Variants in GRIA3 observed in about 807,000 individuals in gnomAD.
GRIA3 encodes glutamate receptor 3.
A neutral mutation model predicts 63.0 loss-of-function variants in GRIA3; 3 were observed. That is an observed-to-expected ratio of 0.05 (90% CI 0.02 to 0.12). The LOEUF (loss-of-function observed/expected upper bound fraction) is 0.12. Among genes scored for constraint, GRIA3 ranks in the 10% least tolerant of loss-of-function variants. The probability of loss-of-function intolerance (pLI) is 1.00; values close to 1 mark genes in which losing one functional copy is unlikely to be tolerated. For synonymous variants in GRIA3, 274 were observed against 257.9 expected (o/e 1.06, Z -0.60); for missense variants, 347 against 700.9 (o/e 0.50, Z 5.70).
At position 123,188,317 on chromosome X, in the gene GRIA3, T is replaced by C. The variant is rs754392897; in HGVS notation, c.268+2327T>C. ...GCAGCTGCTGCTTGGTAGCTTAGTA[T>C]GAGAAAGATGACTCGTCTAACCATA... On this transcript the variant is annotated intron_variant, in intron 2 of 15. Coordinates refer to ENST00000620443, the MANE Select transcript of GRIA3 (RefSeq NM_007325.5). 7.2e-5 allele frequency among the ~76,000 whole-genome samples: 8 copies of C among 111,056 alleles called. No homozygotes were observed. In the South Asian group the frequency reaches 2.7e-3, roughly 38 times the overall value.
intron 2 of GRIA3, among the ~76,000 whole-genome samples, chrX:123,251,324 C>T (rs1330606385): frequency 8.9e-6 from 1 of 112,274 alleles, no homozygotes; most frequent in African/African-American, 3.2e-5. Context: ...CTTAGCATCA[C>T]CCTTGGTGAT....
At chrX:123,310,212 T>C (rs1289450406) in intron 3 of GRIA3, among the ~76,000 whole-genome samples, 1 of 112,978 alleles carries the variant, frequency 8.9e-6, no homozygotes, top group African/African-American at 3.2e-5. Flanking sequence ...AGAGTTGTCA[T>C]CTTAACTCTA....
At chrX:123,416,714 C>T (rs2045538277) in intron 10 of GRIA3, among the ~76,000 whole-genome samples, 2 of 112,743 alleles carry the variant, frequency 1.8e-5, no homozygotes, top group Non-Finnish European at 3.8e-5. Flanking sequence ...CTTGTTATTG[C>T]CCAGGCAAAA....
At chrX:123,421,754 A>G (rs1226813883) in intron 11 of GRIA3, among the ~76,000 whole-genome samples, 1 of 111,886 alleles carries the variant, frequency 8.9e-6, no homozygotes, top group Admixed American at 9.5e-5. Context: ...TACCTCCATT[A>G]TCAGGTGGAT....
rs1406949025 is a variant in GRIA3 at position 123,463,682 on chromosome X, A to AAG, written c.2077-1175_2077-1174dup. Among the ~76,000 whole-genome samples the AAG allele has an allele frequency of 7.0e-3, 285 of 40,655 alleles. 16 individuals carry two copies. Among genetic ancestry groups the AAG allele is most frequent in the East Asian group, 0.025 (25 of 989 alleles). 35.3% of individuals were successfully genotyped at this position (40,655 alleles called of 115,157 possible). On this transcript the variant is annotated intron_variant, in intron 12 of 15. Transcript: ENST00000620443. ...AAAGAAAGAAAGAAAGAAAGAAAGA[A>AAG]AGAGAGAGAAAGAAAGAAAAAGAAA...
At chrX:123,300,674 A>G (rs970479610) in intron 3 of GRIA3, among the ~76,000 whole-genome samples, 6 of 107,989 alleles carry the variant, frequency 5.6e-5, no homozygotes, top group African/African-American at 2.0e-4. Context: ...GACCTCCTTC[A>G]GTTCAGCTCT....
chrX:123,398,498 C>T, intron 6 of GRIA3, 138 bp from the exon 7 acceptor site: 1 of 506,814 alleles, frequency 2.0e-6, no homozygotes, highest in South Asian at 2.8e-5. Flanking sequence ...TTCAGGCTTG[C>T]CCAGAGAGAT....
intron 1 of GRIA3, chrX:123,185,146 GATCTCCCAGACCCGGGCAGCAGC>G (rs1302085648): frequency 3.6e-6 from 1 of 278,181 alleles, no homozygotes; most frequent in East Asian, 1.0e-4. Context: ...GCCCACTTTG[GATCTCCCAGACCCGGGCAGCAGC>G]AGGCGTTGGT....
At chrX:123,240,703 T>G (rs2044325216) in intron 2 of GRIA3, among the ~76,000 whole-genome samples, 1 of 111,969 alleles carries the variant, frequency 8.9e-6, no homozygotes, top group Non-Finnish European at 1.9e-5. Context: ...AACACACTGC[T>G]TGAGTTATTC....
intron 13 of GRIA3, among the ~76,000 whole-genome samples, chrX:123,474,991 CT>C: frequency 9.0e-6 from 1 of 111,716 alleles, no homozygotes; most frequent in East Asian, 2.8e-4. Flanking sequence ...AAAAAATGAA[CT>C]CATTATCAAA....
intron 12 of GRIA3, among the ~76,000 whole-genome samples, chrX:123,445,574 C>A (rs1006154353): frequency 8.9e-6 from 1 of 112,192 alleles, no homozygotes; most frequent in Non-Finnish European, 1.9e-5. Flanking sequence ...CCAAAGATTA[C>A]CAAAAGCTAG....
At chrX:123,469,745 G>A (rs1331768890) in intron 13 of GRIA3, among the ~76,000 whole-genome samples, 2 of 112,182 alleles carry the variant, frequency 1.8e-5, no homozygotes, top group Non-Finnish European at 3.8e-5. Flanking sequence ...TTGTGACATA[G>A]CCAGTGAAAG....
chrX:123,327,403 T>A (rs777788289), intron 4 of GRIA3, among the ~76,000 whole-genome samples: 7 of 111,495 alleles, frequency 6.3e-5, no homozygotes, highest in Non-Finnish European at 1.3e-4. Flanking sequence ...CACGCTGCCA[T>A]AAACAAAAAT....
At chrX:123,318,858 T>C (rs1407168252) in intron 3 of GRIA3, among the ~76,000 whole-genome samples, 1 of 111,798 alleles carries the variant, frequency 8.9e-6, no homozygotes, top group Non-Finnish European at 1.9e-5. Flanking sequence ...ATTAGTTCAT[T>C]TTCACACTGC....
intron 13 of GRIA3, among the ~76,000 whole-genome samples, chrX:123,469,095 A>ATTACTAAAAATGACAATT (rs2045849541): frequency 8.9e-6 from 1 of 112,701 alleles, no homozygotes; most frequent in Non-Finnish European, 1.9e-5. Context: ...AAATGACAAT[A>ATTACTAAAAATGACAATT]ATCACAACGC....
At chrX:123,425,910 G>A (rs1476401159) in intron 11 of GRIA3, among the ~76,000 whole-genome samples, 1 of 111,809 alleles carries the variant, frequency 8.9e-6, no homozygotes, top group African/African-American at 3.2e-5. Flanking sequence ...ATTATTCAGA[G>A]TGTAGCATCT....
chrX:123,247,351 T>C (rs146795274), intron 2 of GRIA3, among the ~76,000 whole-genome samples: 281 of 111,546 alleles, frequency 2.5e-3, no homozygotes, highest in African/African-American at 8.7e-3. Context: ...ACACTGTACA[T>C]TAACAATACC....
At chrX:123,224,701 C>G (rs935044981) in intron 2 of GRIA3, among the ~76,000 whole-genome samples, 1 of 111,821 alleles carries the variant, frequency 8.9e-6, no homozygotes, top group African/African-American at 3.2e-5. Context: ...GTCATCCCTA[C>G]TACTTCCCAA....
chrX:123,271,721 A>G (rs992764788), intron 3 of GRIA3, among the ~76,000 whole-genome samples: 4 of 111,928 alleles, frequency 3.6e-5, no homozygotes, highest in Non-Finnish European at 5.6e-5. Context: ...CAAAAATTTT[A>G]CCAAGGAAGT....
Sources: allele counts gnomAD v4.1 joint callset (sites outside exome capture counted in the v4.1 genomes callset), GRCh38; gene constraint gnomAD v4.1.1; transcripts MANE v1.5; gene names NCBI Gene and HGNC (gene_info 2026-07-23, HGNC 2026-07-21).